Variants in DOCK3 observed in about 807,000 individuals in gnomAD.
DOCK3 encodes the protein dedicator of cytokinesis 3.
DOCK3 carries 60 observed loss-of-function variants against 265.6 expected under a neutral mutation model. The ratio of observed to expected loss-of-function variants is 0.23; its 90% confidence interval spans 0.18 to 0.28. DOCK3 has a LOEUF of 0.28. DOCK3 is among the 10% of genes least tolerant of loss of function. The pLI is 1.00. For synonymous variants in DOCK3, 881 were observed against 938.0 expected (o/e 0.94, Z 1.11); for missense variants, 1,981 against 2,594.3 (o/e 0.76, Z 5.14).
chr3:50,780,670 A>G (rs2041862306), intron 2 of DOCK3, among the ~76,000 whole-genome samples: 1 of 152,200 alleles, frequency 6.6e-6, no homozygotes, highest in South Asian at 2.1e-4. Flanking sequence ...TATCCCAAAC[A>G]TCATTTGTTT....
At chr3:51,122,529 AT>A (rs2084073987) in intron 9 of DOCK3, among the ~76,000 whole-genome samples, 1 of 152,252 alleles carries the variant, frequency 6.6e-6, no homozygotes, top group African/African-American at 2.4e-5. Flanking sequence ...CAATTGTTAT[AT>A]GTCTTAAATA....
chr3:51,225,574 C>T (rs925620959), intron 14 of DOCK3, 75 bp from the exon 15 acceptor site: 14 of 1,522,418 alleles, frequency 9.2e-6, no homozygotes, highest in Middle Eastern at 3.6e-4. Context: ...GATCCAAATG[C>T]TAGCCTAGTT....
intron 2 of DOCK3, among the ~76,000 whole-genome samples, chr3:50,804,179 T>C (rs2043255775): frequency 7.8e-6 from 1 of 128,850 alleles, no homozygotes; most frequent in African/African-American, 3.0e-5. Flanking sequence ...TCTCAGATGA[T>C]GGGCGGCCGG....
chr3:50,902,783 C>T (rs918863603), intron 4 of DOCK3, among the ~76,000 whole-genome samples: 1 of 152,150 alleles, frequency 6.6e-6, no homozygotes, highest in Non-Finnish European at 1.5e-5. Context: ...GCCATTTTCA[C>T]AATATTGATT....
chr3:50,719,396 G>A, intron 1 of DOCK3: 1 of 528,262 alleles, frequency 1.9e-6, no homozygotes, highest in Middle Eastern at 5.7e-4. Flanking sequence ...ATTATAGGAT[G>A]CTGCGAGCAA....
At chr3:51,220,822 T>C (rs1246961017) in intron 14 of DOCK3, among the ~76,000 whole-genome samples, 2 of 151,526 alleles carry the variant, frequency 1.3e-5, no homozygotes, top group Admixed American at 6.6e-5. Context: ...ATATCAGATT[T>C]TGACTGGCCA....
At chr3:50,948,488 C>G (rs1414651878) in intron 5 of DOCK3, among the ~76,000 whole-genome samples, 2 of 147,088 alleles carry the variant, frequency 1.4e-5, no homozygotes, top group African/African-American at 5.0e-5. Context: ...ACTGTAAGCT[C>G]CAACTCCTGG....
chr3:51,036,744 T>C (rs2080286253), intron 5 of DOCK3, among the ~76,000 whole-genome samples: 1 of 152,180 alleles, frequency 6.6e-6, no homozygotes, highest in Non-Finnish European at 1.5e-5. Context: ...AAATCTCATC[T>C]TGAATTGTAA....
intron 2 of DOCK3, among the ~76,000 whole-genome samples, chr3:50,794,903 A>T: frequency 6.6e-6 from 1 of 151,976 alleles, no homozygotes; most frequent in Middle Eastern, 3.2e-3. Context: ...TTCCTTCAGG[A>T]GCTCTTTTAA....
intron 2 of DOCK3, among the ~76,000 whole-genome samples, chr3:50,812,380 T>G (rs1287444144): frequency 6.6e-6 from 1 of 152,222 alleles, no homozygotes; most frequent in Non-Finnish European, 1.5e-5. Context: ...GAAAGATGTT[T>G]ATAGGGTTGT....
intron 6 of DOCK3, among the ~76,000 whole-genome samples, chr3:51,071,911 A>T (rs960841430): frequency 6.6e-6 from 1 of 152,208 alleles, no homozygotes; most frequent in Non-Finnish European, 1.5e-5. Context: ...GAGGACAGTC[A>T]CTAATATAAC....
At chr3:51,300,170 A>C (rs1260243393) in intron 27 of DOCK3, among the ~76,000 whole-genome samples, 1 of 152,108 alleles carries the variant, frequency 6.6e-6, no homozygotes, top group African/African-American at 2.4e-5. Flanking sequence ...TTCTCTTTGT[A>C]GCAGTTGTGA....
intron 5 of DOCK3, among the ~76,000 whole-genome samples, chr3:51,023,130 C>T (rs1269844646): frequency 6.6e-6 from 1 of 152,126 alleles, no homozygotes; most frequent in Non-Finnish European, 1.5e-5. Context: ...CTCAATTATT[C>T]CCTCAAATAA....
intron 3 of DOCK3, among the ~76,000 whole-genome samples, chr3:50,879,776 T>C (rs2047929515): frequency 6.6e-6 from 1 of 152,126 alleles, no homozygotes; most frequent in Non-Finnish European, 1.5e-5. Context: ...CTGCACCAAG[T>C]GGACCTAATA....
intron 3 of DOCK3, among the ~76,000 whole-genome samples, chr3:50,850,183 C>T (rs1445202996): frequency 1.3e-5 from 2 of 151,628 alleles, no homozygotes; most frequent in Non-Finnish European, 2.9e-5. Context: ...GAGTTTGAGA[C>T]CAGCTTGGCC....
At chr3:50,786,708 C>T in intron 2 of DOCK3, 1 of 690,484 alleles carries the variant, frequency 1.4e-6, no homozygotes, top group African/African-American at 1.7e-5. Context: ...AAGGGTTTCT[C>T]TCCAGTGTTT....
At chr3:51,371,179 T>G (rs560862765) in intron 49 of DOCK3, among the ~76,000 whole-genome samples, 29 of 152,358 alleles carry the variant, frequency 1.9e-4, no homozygotes, top group Non-Finnish European at 3.4e-4. Flanking sequence ...GTGTGTGTTT[T>G]GGGACAGAAG....
At chr3:50,949,072 A>G (rs1389969418) in intron 5 of DOCK3, among the ~76,000 whole-genome samples, 11 of 152,276 alleles carry the variant, frequency 7.2e-5, no homozygotes, top group Non-Finnish European at 1.5e-4. Context: ...CTTACCTTAC[A>G]CCATGTACTA....
chr3:50,703,626 A>G (rs1381785332), intron 1 of DOCK3, among the ~76,000 whole-genome samples: 1 of 152,046 alleles, frequency 6.6e-6, no homozygotes, highest in African/African-American at 2.4e-5. Flanking sequence ...ATAGTTGTTC[A>G]TAAGAGTCTA....
Sources: gnomAD v4.1 joint callset for allele counts (sites outside exome capture counted in the v4.1 genomes callset) on GRCh38, gnomAD v4.1.1 for gene constraint, MANE v1.5 for transcripts, NCBI Gene and HGNC (gene_info 2026-07-23, HGNC 2026-07-21) for gene names.